Variants in NTRK2 observed in about 807,000 individuals in gnomAD.
NTRK2 encodes neurotrophic receptor tyrosine kinase 2, also known as BDNF/NT-3 growth factors receptor.
A neutral mutation model predicts 94.5 loss-of-function variants in NTRK2; 13 were observed. That is an observed-to-expected ratio of 0.14 (90% confidence interval 0.09 to 0.22). NTRK2 has a LOEUF of 0.22. Among genes scored for constraint, NTRK2 ranks in the 10% least tolerant of loss-of-function variants. The pLI is 1.00. For missense variants in NTRK2, 639 were observed against 1,071.2 expected, an observed-to-expected ratio of 0.60 and a Z score of 5.63; for synonymous variants, 372 against 407.4, an observed-to-expected ratio of 0.91 and a Z score of 1.05.
chr9:84,840,265 C>CTTTTTT (rs1158579395), intron 12 of NTRK2, among the ~76,000 whole-genome samples: 1 of 101,844 alleles, frequency 9.8e-6, no homozygotes, highest in Non-Finnish European at 2.0e-5. Context: ...ATTGACAATT[C>CTTTTTT]TTTTTTTTTT....
intron 15 of NTRK2, among the ~76,000 whole-genome samples, chr9:84,944,209 T>TCA (rs1482521508): frequency 2.1e-5 from 3 of 140,192 alleles, no homozygotes; most frequent in African/African-American, 8.5e-5. Context: ...TCTCTCTCTC[T>TCA]CTCTCTCACA....
chr9:85,026,828 A>T lies in NTRK2; in HGVS notation c.*5391A>T, dbSNP rs1164268860. 4 of 232,926 alleles carry T rather than the reference A, an allele frequency of 1.7e-5. No individual in the cohort carries two copies. In the East Asian group the frequency reaches 2.4e-4, roughly 14 times the overall value. 14.4% of individuals were successfully genotyped at this position (232,926 alleles called of 1,614,324 possible). ...CTTTTAATGTGATGTCTCTGTGCTAATACTTACCAGTTCTTGTTTTGCAAT... is the reference window on the plus strand; with the variant it reads ...CTTTTAATGTGATGTCTCTGTGCTATTACTTACCAGTTCTTGTTTTGCAAT... On this transcript the variant is annotated 3_prime_UTR_variant, in exon 19 of 19. Transcript: ENST00000277120.
intron 17 of NTRK2, among the ~76,000 whole-genome samples, chr9:84,961,390 G>T (rs1442910527): frequency 1.3e-5 from 2 of 152,148 alleles, no homozygotes; most frequent in Non-Finnish European, 1.5e-5. Flanking sequence ...TTTATTTTAT[G>T]AAATCATCTT....
chr9:84,773,529 T>G (rs2066752139), intron 12 of NTRK2, among the ~76,000 whole-genome samples: 1 of 152,216 alleles, frequency 6.6e-6, no homozygotes, highest in Non-Finnish European at 1.5e-5. Flanking sequence ...CATTGCTGAT[T>G]TTAACGTTCT....
intron 12 of NTRK2, among the ~76,000 whole-genome samples, chr9:84,761,642 T>C (rs140104221): frequency 9.9e-4 from 151 of 152,300 alleles, no homozygotes; most frequent in African/African-American, 3.5e-3. Flanking sequence ...AATGATGTAA[T>C]CTTTTTCTCT....
chr9:84,734,502 A>G (rs1441666847), intron 9 of NTRK2, among the ~76,000 whole-genome samples: 2 of 152,204 alleles, frequency 1.3e-5, no homozygotes, highest in East Asian at 3.8e-4. Flanking sequence ...GGCCCTTGAT[A>G]TGATTTGGCT....
chr9:84,705,194 A>C (rs1209252825), intron 4 of NTRK2, among the ~76,000 whole-genome samples: 3 of 151,446 alleles, frequency 2.0e-5, no homozygotes, highest in Non-Finnish European at 4.4e-5. Flanking sequence ...CACTTTCACC[A>C]CTTCTCCCCC....
At chr9:84,798,491 AG>A (rs1031097691) in intron 12 of NTRK2, among the ~76,000 whole-genome samples, 2 of 152,200 alleles carry the variant, frequency 1.3e-5, no homozygotes, top group Non-Finnish European at 2.9e-5. Flanking sequence ...ACACAATGAC[AG>A]GGGCCCTGAG....
At chr9:84,840,522 CT>C in intron 12 of NTRK2, among the ~76,000 whole-genome samples, 1 of 152,132 alleles carries the variant, frequency 6.6e-6, no homozygotes, top group East Asian at 1.9e-4. Context: ...ACTCTGACCT[CT>C]TTTGCCTGTT....
intron 12 of NTRK2, among the ~76,000 whole-genome samples, chr9:84,803,962 G>A (rs2070799295): frequency 6.6e-6 from 1 of 152,054 alleles, no homozygotes; most frequent in Admixed American, 6.6e-5. Flanking sequence ...TTTGACTTTT[G>A]GGACTTGCAG....
At position 84,760,304 on chromosome 9, in the gene NTRK2, TTAAAC is replaced by T. The variant is rs556287670; in HGVS notation, c.1396+8223_1396+8227del. ...AGTGCTTAGTTTAGTATCTGTCTCT[TTAAAC>T]TAATTCTCTAAGAGGTAGTTACTTT... On this transcript the variant is annotated intron_variant, in intron 12 of 18. Coordinates refer to ENST00000277120, the MANE Select transcript of NTRK2 (RefSeq NM_006180.6). 3.4e-3 allele frequency among the ~76,000 whole-genome samples: 517 copies of T among 152,342 alleles called. 1 individual carries two copies. The highest frequency in any genetic ancestry group is 5.7e-3 in the Non-Finnish European group (386 of 68,030).
chr9:84,722,270 G>A (rs145853374), intron 6 of NTRK2, among the ~76,000 whole-genome samples: 64 of 146,900 alleles, frequency 4.4e-4, no homozygotes, highest in African/African-American at 1.6e-3. Context: ...ACTAGCCCCT[G>A]AAAGCCAGAT....
intron 2 of NTRK2, among the ~76,000 whole-genome samples, chr9:84,695,004 G>T (rs1465823337): frequency 9.0e-5 from 13 of 144,416 alleles, no homozygotes; most frequent in African/African-American, 3.4e-4. Context: ...GCAGTGAGCC[G>T]AGATCGCGCC....
chr9:84,916,234 G>A (rs2077389828), intron 14 of NTRK2, among the ~76,000 whole-genome samples: 1 of 151,994 alleles, frequency 6.6e-6, no homozygotes, highest in Non-Finnish European at 1.5e-5. Flanking sequence ...CAAGGGCCAG[G>A]GAGGATGAGA....
intron 12 of NTRK2, among the ~76,000 whole-genome samples, chr9:84,838,426 GA>G (rs2073995002): frequency 6.6e-6 from 1 of 151,992 alleles, no homozygotes; most frequent in Non-Finnish European, 1.5e-5. Flanking sequence ...ACAATGTTAA[GA>G]AAAAATGTAC....
intron 12 of NTRK2, among the ~76,000 whole-genome samples, chr9:84,847,262 C>A (rs1276375634): frequency 6.6e-6 from 1 of 152,150 alleles, no homozygotes; most frequent in African/African-American, 2.4e-5. Flanking sequence ...AATGTGGTAC[C>A]CATTCACTCT....
At chr9:84,913,095 TG>T (rs1369310471) in intron 14 of NTRK2, among the ~76,000 whole-genome samples, 3 of 152,220 alleles carry the variant, frequency 2.0e-5, no homozygotes, top group African/African-American at 7.2e-5. Context: ...GTTTTCTGTT[TG>T]TTCTCTTTGA....
intron 17 of NTRK2, among the ~76,000 whole-genome samples, chr9:85,008,365 G>C (rs1235803042): frequency 6.6e-6 from 1 of 151,992 alleles, no homozygotes; most frequent in Non-Finnish European, 1.5e-5. Context: ...AAAAGTAGTT[G>C]CAGTTTTGCC....
intron 14 of NTRK2, among the ~76,000 whole-genome samples, chr9:84,891,117 G>T (rs926081227): frequency 6.6e-6 from 1 of 152,072 alleles, no homozygotes; most frequent in East Asian, 1.9e-4. Context: ...TTTCTTGCCT[G>T]TGGCCGATAG....
Sources: gnomAD v4.1 joint callset for allele counts (sites outside exome capture counted in the v4.1 genomes callset) on GRCh38, gnomAD v4.1.1 for gene constraint, MANE v1.5 for transcripts, NCBI Gene and HGNC (gene_info 2026-07-23, HGNC 2026-07-21) for gene names.